ARHGAP39: variants seen among roughly 807,000 people sequenced by gnomAD.
ARHGAP39 encodes the protein rho GTPase-activating protein 39.
ARHGAP39 carries 44 observed loss-of-function variants against 106.9 expected under a neutral mutation model. The ratio of observed to expected loss-of-function variants is 0.41; its 90% confidence interval spans 0.32 to 0.53. The LOEUF (loss-of-function observed/expected upper bound fraction) is 0.53. Ranked by LOEUF, ARHGAP39 falls within the 20% of genes least tolerant of loss-of-function variation. The pLI is 0.21. For missense variants in ARHGAP39, 1,496 were observed against 1,577.3 expected, an observed-to-expected ratio of 0.95 and a Z score of 0.87; for synonymous variants, 768 against 693.2, an observed-to-expected ratio of 1.11 and a Z score of -1.69.
chr8:144,568,333 CAAAAAA>C (rs34670018), intron 3 of ARHGAP39, among the ~76,000 whole-genome samples: 2 of 47,294 alleles, frequency 4.2e-5, no homozygotes, highest in Non-Finnish European at 6.8e-5. Flanking sequence ...GACTCTGTCT[CAAAAAA>C]AAAAAAAAAA....
chr8:144,557,550 G>C (rs980719997), intron 3 of ARHGAP39, among the ~76,000 whole-genome samples: 5 of 147,870 alleles, frequency 3.4e-5, no homozygotes, highest in African/African-American at 1.0e-4. Context: ...CAGAGGCAAA[G>C]GCTGAACCTT....
At chr8:144,561,846 G>A (rs1818181829) in intron 3 of ARHGAP39, among the ~76,000 whole-genome samples, 1 of 140,970 alleles carries the variant, frequency 7.1e-6, no homozygotes, top group African/African-American at 2.8e-5. Context: ...GGGCTCCAGT[G>A]GTTTCCATTG....
the ARHGAP39 span, among the ~76,000 whole-genome samples, chr8:144,693,707 C>G: frequency 2.0e-5 from 3 of 152,318 alleles, no homozygotes; most frequent in Non-Finnish European, 4.4e-5. Flanking sequence ...GATTTGTTTC[C>G]CAATGAAAGC....
chr8:144,682,430 T>C (rs917452821), intron 1 of ARHGAP39, among the ~76,000 whole-genome samples: 1 of 143,776 alleles, frequency 7.0e-6, no homozygotes, highest in Non-Finnish European at 1.5e-5. Flanking sequence ...GTGCCTGTAG[T>C]CCCAGCTACT....
At chr8:144,579,570 C>A (rs1323470228) in intron 3 of ARHGAP39, among the ~76,000 whole-genome samples, 2 of 152,148 alleles carry the variant, frequency 1.3e-5, no homozygotes, top group African/African-American at 4.8e-5. Context: ...CACTCTGCAG[C>A]AGGCCCCATC....
intron 3 of ARHGAP39, among the ~76,000 whole-genome samples, chr8:144,579,221 A>G (rs1818878962): frequency 6.6e-6 from 1 of 151,580 alleles, no homozygotes; most frequent in Non-Finnish European, 1.5e-5. Flanking sequence ...AAAAAAAAAA[A>G]AAAAGAAAGT....
the ARHGAP39 span, among the ~76,000 whole-genome samples, chr8:144,697,315 CAAAAA>C: frequency 1.7e-5 from 2 of 119,166 alleles, no homozygotes; most frequent in Non-Finnish European, 1.8e-5. Context: ...AGATCCCTCT[CAAAAA>C]AAAAAAAAAA....
chr8:144,533,854 C>T (rs923405569), intron 8 of ARHGAP39, among the ~76,000 whole-genome samples: 12 of 152,264 alleles, frequency 7.9e-5, no homozygotes, highest in African/African-American at 1.2e-4. Context: ...GTCCAGGGAA[C>T]GGGGTCCTGT....
intron 2 of ARHGAP39, among the ~76,000 whole-genome samples, chr8:144,583,781 AG>A (rs1819087513): frequency 6.6e-6 from 1 of 152,230 alleles, no homozygotes; most frequent in African/African-American, 2.4e-5. Flanking sequence ...AATATTCACA[AG>A]ATTACTACTG....
intron 1 of ARHGAP39, among the ~76,000 whole-genome samples, chr8:144,681,379 G>A (rs563937266): frequency 3.2e-4 from 48 of 152,320 alleles, no homozygotes; most frequent in Admixed American, 8.5e-4. Context: ...GAACACCAGA[G>A]TCTACTCTTT....
chr8:144,681,012 A>G (rs1033792952), intron 1 of ARHGAP39, among the ~76,000 whole-genome samples: 1 of 152,228 alleles, frequency 6.6e-6, no homozygotes, highest in Non-Finnish European at 1.5e-5. Flanking sequence ...TCCTGGTCTC[A>G]GGTGTCTTGA....
chr8:144,560,314 A>C (rs904196301), intron 3 of ARHGAP39, among the ~76,000 whole-genome samples: 1 of 152,198 alleles, frequency 6.6e-6, no homozygotes, highest in African/African-American at 2.4e-5. Context: ...GCGTGCCTAT[A>C]ATCCCAGCTA....
chr8:144,621,687 G>A (rs903786345), intron 1 of ARHGAP39, among the ~76,000 whole-genome samples: 6 of 152,184 alleles, frequency 3.9e-5, no homozygotes, highest in Non-Finnish European at 5.9e-5. Flanking sequence ...GCGTGGTGGT[G>A]CACATCCATA....
Position 144,666,810 on chromosome 8 carries a change from C to T in ARHGAP39, c.-82+18876G>A, listed in dbSNP as rs560304261. Among the ~76,000 whole-genome samples, 8 of 152,268 alleles carry T rather than the reference C, an allele frequency of 5.3e-5. No individual in the cohort carries two copies. The South Asian group carries it at 8.3e-4, about 16-fold the overall frequency. On this transcript the variant is annotated intron_variant, in intron 1 of 11. Coordinates refer to ENST00000377307, the MANE Select transcript of ARHGAP39 (RefSeq NM_025251.3). Reference sequence around the variant, plus strand: ...AAGGCGATCAGTGCTGGACAACACCCGGAGTGCTCCAGTTCTCACAGCAAA... The same window carrying T: ...AAGGCGATCAGTGCTGGACAACACCTGGAGTGCTCCAGTTCTCACAGCAAA...
intron 1 of ARHGAP39, among the ~76,000 whole-genome samples, chr8:144,614,569 T>A (rs182276589): frequency 7.4e-4 from 112 of 152,272 alleles, no homozygotes; most frequent in Non-Finnish European, 1.4e-3. Flanking sequence ...GCCAGGCTGG[T>A]CTTGAACTCC....
At chr8:144,603,417 C>T (rs1820156049) in intron 2 of ARHGAP39, among the ~76,000 whole-genome samples, 1 of 152,012 alleles carries the variant, frequency 6.6e-6, no homozygotes, top group African/African-American at 2.4e-5. Context: ...GTGCTCAGGC[C>T]AAAAAGCACA....
At chr8:144,689,974 C>T (rs537935180), upstream of ARHGAP39, among the ~76,000 whole-genome samples, 85 of 148,662 alleles carry the variant, frequency 5.7e-4, no homozygotes, top group African/African-American at 1.8e-3. Context: ...CTCAAACGCC[C>T]GACCTCAGGT....
rs1249035251 is a variant in ARHGAP39 at position 144,670,298 on chromosome 8, C to T, written c.-82+15388G>A. Among the ~76,000 whole-genome samples, 3 of 152,242 alleles carry T rather than the reference C, an allele frequency of 2.0e-5. No individual in the cohort carries two copies. The highest frequency in any genetic ancestry group is 1.9e-4 in the East Asian group (1 of 5,176). On this transcript the variant is annotated intron_variant, in intron 1 of 11. Coordinates refer to ENST00000377307, the MANE Select transcript of ARHGAP39 (RefSeq NM_025251.3). The surrounding 1 kb of genome is among the most constrained non-coding windows in gnomAD (Gnocchi z 4.4). Reference sequence around the variant, plus strand: ...AGCTCGGACGCGTGCTAGAGTGTACCGGGAAGCAGGATCAGCACCTGGGAC... The same window carrying T: ...AGCTCGGACGCGTGCTAGAGTGTACTGGGAAGCAGGATCAGCACCTGGGAC...
chr8:144,585,970 G>A lies in ARHGAP39; in HGVS notation c.81-4693C>T, dbSNP rs1287456119. ...TCTCCACTCTTGTTACCTGACCCCC[G>A]TGACTCAGGGTAGTTTTTTAGTTTT... On this transcript the variant is annotated intron_variant, in intron 2 of 11. Transcript: ENST00000377307. The surrounding 1 kb of genome is among the most constrained non-coding windows in gnomAD (Gnocchi z 4.6). 6.6e-6 allele frequency among the ~76,000 whole-genome samples: 1 copy of A among 152,078 alleles called. No homozygotes were observed. Among genetic ancestry groups the A allele is most frequent in the Non-Finnish European group, 1.5e-5 (1 of 67,990 alleles).
Sources: allele counts gnomAD v4.1 joint callset (sites outside exome capture counted in the v4.1 genomes callset), GRCh38; gene constraint gnomAD v4.1.1; non-coding constraint Gnocchi (gnomAD v3.1); transcripts MANE v1.5; gene names NCBI Gene and HGNC (gene_info 2026-07-23, HGNC 2026-07-21).